Variants in GPC6 observed in about 807,000 individuals in gnomAD.
GPC6 encodes the protein glypican-6.
GPC6 carries 14 observed loss-of-function variants against 55.2 expected under a neutral mutation model. The ratio of observed to expected loss-of-function variants is 0.25; its 90% CI spans 0.17 to 0.40. The LOEUF (loss-of-function observed/expected upper bound fraction) is 0.40, where lower values mean the gene tolerates loss of function less well. Among genes scored for constraint, GPC6 ranks in the 10% least tolerant of loss-of-function variants. The pLI, the probability that GPC6 is intolerant of heterozygous loss-of-function variation, is 1.00. For missense variants in GPC6, 641 were observed against 708.5 expected, an observed-to-expected ratio of 0.90 and a Z score of 1.08; for synonymous variants, 278 against 259.6, an observed-to-expected ratio of 1.07 and a Z score of -0.68.
At chr13:94,116,892 A>G (rs1195112810) in intron 4 of GPC6, among the ~76,000 whole-genome samples, 1 of 152,026 alleles carries the variant, frequency 6.6e-6, no homozygotes, top group East Asian at 1.9e-4. Flanking sequence ...CTTCTTTGTC[A>G]ACCTTCAAGG....
intron 4 of GPC6, among the ~76,000 whole-genome samples, chr13:94,246,022 A>T (rs1444770961): frequency 6.6e-6 from 1 of 152,022 alleles, no homozygotes; most frequent in Non-Finnish European, 1.5e-5. Context: ...CCTTGACAAC[A>T]CTTGGGTCTT....
intron 6 of GPC6, among the ~76,000 whole-genome samples, chr13:94,341,824 T>A (rs1878057145): frequency 6.6e-6 from 1 of 152,212 alleles, no homozygotes; most frequent in Non-Finnish European, 1.5e-5. Flanking sequence ...CAGCAATTAA[T>A]GAATGATATT....
intron 6 of GPC6, among the ~76,000 whole-genome samples, chr13:94,348,106 C>T (rs1878373906): frequency 6.6e-6 from 1 of 152,132 alleles, no homozygotes; most frequent in East Asian, 1.9e-4. Flanking sequence ...TTCCCCTGCC[C>T]GACTGGTTGG....
chr13:94,104,915 C>T (rs529465258), intron 4 of GPC6, among the ~76,000 whole-genome samples: 2 of 152,164 alleles, frequency 1.3e-5, no homozygotes, highest in South Asian at 4.2e-4. Flanking sequence ...AGATTCAATG[C>T]CATCCCCATC....
rs192116671 is a variant in GPC6, at chr13:93,239,392, C to T, written c.160+11776C>T. On this transcript the variant is annotated intron_variant, in intron 1 of 8. Coordinates refer to ENST00000377047, the MANE Select transcript of GPC6 (RefSeq NM_005708.5). ...TAGAGATGTTCATAGAACATCAGAT[C>T]CATGAAAATGGAGACATTACAACTG... 1.3e-3 allele frequency among the ~76,000 whole-genome samples: 196 copies of T among 151,668 alleles called. 2 individuals are homozygous for T. The highest frequency in any genetic ancestry group is 3.4e-3 in the Middle Eastern group (1 of 294).
chr13:93,820,892 A>T (rs1468664104), intron 2 of GPC6, among the ~76,000 whole-genome samples: 3 of 152,174 alleles, frequency 2.0e-5, no homozygotes, highest in Admixed American at 1.3e-4. Context: ...GAATATAAAG[A>T]GATGAGTGCA....
intron 3 of GPC6, among the ~76,000 whole-genome samples, chr13:93,842,666 C>G (rs1887996201): frequency 6.6e-6 from 1 of 152,072 alleles, no homozygotes; most frequent in South Asian, 2.1e-4. Flanking sequence ...ATGAATCACC[C>G]TAGCCAAATA....
chr13:94,082,015 A>G (rs755073426), intron 4 of GPC6, among the ~76,000 whole-genome samples: 33 of 151,754 alleles, frequency 2.2e-4, no homozygotes, highest in Non-Finnish European at 4.0e-4. Flanking sequence ...TAATTTTTGT[A>G]TTTTTAGTAG....
intron 3 of GPC6, among the ~76,000 whole-genome samples, chr13:93,844,191 T>G (rs1174390548): frequency 1.3e-5 from 2 of 152,024 alleles, no homozygotes; most frequent in Non-Finnish European, 2.9e-5. Flanking sequence ...CAGGCTGGAG[T>G]GCAATGCCAC....
chr13:94,391,532 C>T (rs6492702), intron 7 of GPC6, among the ~76,000 whole-genome samples: 88,905 of 151,938 alleles, frequency 0.59, 26,408 homozygotes, highest in African/African-American at 0.68. Context: ...TCACAGTTTA[C>T]GTTGAATAAT....
intron 1 of GPC6, among the ~76,000 whole-genome samples, chr13:93,339,991 TAATC>T (rs1357423480): frequency 1.3e-5 from 2 of 148,988 alleles, no homozygotes; most frequent in African/African-American, 2.4e-5. Flanking sequence ...TAGTTAATAA[TAATC>T]CATTCAAAAA....
intron 1 of GPC6, among the ~76,000 whole-genome samples, chr13:93,364,743 ATTT>A (rs1881180531): frequency 6.6e-6 from 1 of 151,252 alleles, no homozygotes; most frequent in South Asian, 2.1e-4. Flanking sequence ...ATATATATGT[ATTT>A]TATATATATG....
chr13:94,333,470 T>A (rs1877528234), intron 6 of GPC6, among the ~76,000 whole-genome samples: 1 of 152,210 alleles, frequency 6.6e-6, no homozygotes, highest in Non-Finnish European at 1.5e-5. Context: ...GAGGTACAGT[T>A]CCTATCCCTT....
Position 93,663,464 on chromosome 13 carries a change from A to T in GPC6, c.319+118043A>T, listed in dbSNP as rs544428566. Among the ~76,000 whole-genome samples, 17 of 152,238 alleles carry T rather than the reference A, an allele frequency of 1.1e-4. No individual in the cohort carries two copies. In the Middle Eastern group the frequency reaches 0.01, roughly 91 times the overall value. On this transcript the variant is annotated intron_variant, in intron 2 of 8. Transcript: ENST00000377047. ...AAGGTCTGTTAAGCTTATGTACTTA[A>T]TTTTTGTGTTTACAGTCTTATTATA... is the stretch of plus-strand genomic sequence containing the variant.
chr13:93,887,843 A>G (rs1875436730), intron 3 of GPC6, among the ~76,000 whole-genome samples: 1 of 152,164 alleles, frequency 6.6e-6, no homozygotes, highest in Non-Finnish European at 1.5e-5. Context: ...GCAAAATTTT[A>G]TATCTACAAC....
At chr13:93,372,861 T>C (rs1286565790) in intron 1 of GPC6, among the ~76,000 whole-genome samples, 1 of 152,140 alleles carries the variant, frequency 6.6e-6, no homozygotes, top group Non-Finnish European at 1.5e-5. Context: ...ATGAGAAAAT[T>C]GTTCTTGAAG....
intron 2 of GPC6, among the ~76,000 whole-genome samples, chr13:93,593,206 T>C (rs1408528471): frequency 6.6e-6 from 1 of 152,116 alleles, no homozygotes; most frequent in Non-Finnish European, 1.5e-5. Context: ...GGTGGCAAAT[T>C]TGATTATTTT....
At chr13:93,587,942 G>T (rs16948991) in intron 2 of GPC6, among the ~76,000 whole-genome samples, 5,556 of 152,254 alleles carry the variant, frequency 0.036, 338 homozygotes, top group African/African-American at 0.13. Flanking sequence ...CCAGCCTACA[G>T]TCCACCATAA....
At chr13:93,863,329 G>A (rs1453164798) in intron 3 of GPC6, among the ~76,000 whole-genome samples, 1 of 151,514 alleles carries the variant, frequency 6.6e-6, no homozygotes, top group Non-Finnish European at 1.5e-5. Context: ...AGACCATATG[G>A]CCTACAAAGT....
Sources: allele counts gnomAD v4.1 joint callset (sites outside exome capture counted in the v4.1 genomes callset), GRCh38; gene constraint gnomAD v4.1.1; transcripts MANE v1.5; gene names NCBI Gene and HGNC (gene_info 2026-07-23, HGNC 2026-07-21).